MSRA: variants seen among roughly 807,000 people sequenced by gnomAD.
MSRA encodes the protein methionine sulfoxide reductase A, also known as mitochondrial peptide methionine sulfoxide reductase.
A neutral mutation model predicts 31.3 loss-of-function variants in MSRA; 54 were observed. The observed-to-expected ratio is 1.73, with a 90% confidence interval of 1.39 to 2.17. MSRA has a LOEUF of 2.17. MSRA is among the 30% of genes most tolerant of loss of function. The pLI is 0.00. For synonymous variants in MSRA, 169 were observed against 116.5 expected (o/e 1.45, Z -2.90); for missense variants, 507 against 300.9 (o/e 1.69, Z -5.07).
chr8:10,337,870 C>T (rs760285898), intron 5 of MSRA: 10 of 698,002 alleles, frequency 1.4e-5, no homozygotes, highest in Non-Finnish European at 2.4e-5. Flanking sequence ...TAAAGTGGTC[C>T]TCACAAATGC....
intron 1 of MSRA, among the ~76,000 whole-genome samples, chr8:10,152,869 C>G (rs376711908): frequency 1.2e-4 from 19 of 152,124 alleles, no homozygotes; most frequent in East Asian, 7.7e-4. Flanking sequence ...AGGGATGAAC[C>G]TTGAGGACAT....
At chr8:10,092,381 A>G (rs1005508996) in intron 1 of MSRA, among the ~76,000 whole-genome samples, 6 of 152,164 alleles carry the variant, frequency 3.9e-5, no homozygotes, top group African/African-American at 1.4e-4. Flanking sequence ...CATTCTGGCC[A>G]GGCACGGTGG....
intron 3 of MSRA, among the ~76,000 whole-genome samples, chr8:10,269,002 G>A (rs1317848626): frequency 5.3e-5 from 8 of 152,200 alleles, no homozygotes; most frequent in Non-Finnish European, 1.0e-4. Flanking sequence ...GGCATAGCCC[G>A]CAAACCCATT....
intron 2 of MSRA, among the ~76,000 whole-genome samples, chr8:10,212,184 C>CT (rs1199697087): frequency 6.7e-6 from 1 of 148,800 alleles, no homozygotes; most frequent in Non-Finnish European, 1.5e-5. Flanking sequence ...GAGACTCTGT[C>CT]TAAAAAAAAA....
At chr8:10,368,510 G>T (rs1157800042) in intron 5 of MSRA, among the ~76,000 whole-genome samples, 2 of 152,220 alleles carry the variant, frequency 1.3e-5, no homozygotes, top group African/African-American at 2.4e-5. Context: ...GGCAGCAGAG[G>T]GGCCGGGAGG....
At chr8:10,397,463 G>A (rs955050358) in intron 5 of MSRA, among the ~76,000 whole-genome samples, 73 of 152,302 alleles carry the variant, frequency 4.8e-4, no homozygotes, top group African/African-American at 1.7e-3. Context: ...AGCCCAGAAC[G>A]AGTAGAGCTC....
At chr8:10,370,265 G>C (rs1360754060) in intron 5 of MSRA, among the ~76,000 whole-genome samples, 3 of 152,316 alleles carry the variant, frequency 2.0e-5, no homozygotes, top group East Asian at 3.9e-4. Context: ...GCAAAGGAAG[G>C]ATGTGAACTT....
At chr8:10,198,731 C>T (rs1808214423) in intron 1 of MSRA, among the ~76,000 whole-genome samples, 1 of 152,312 alleles carries the variant, frequency 6.6e-6, no homozygotes, top group East Asian at 1.9e-4. Context: ...TCAAATGTTT[C>T]TCCTGGCTCA....
chr8:10,252,493 C>T lies in MSRA; in HGVS notation c.331+7270C>T, dbSNP rs561383914. Among the ~76,000 whole-genome samples, 56 of 152,256 alleles carry T rather than the reference C, an allele frequency of 3.7e-4. 1 individual carries two copies. The highest frequency in any genetic ancestry group is 1.1e-3 in the African/African-American group (47 of 41,546). On this transcript the variant is annotated intron_variant, in intron 3 of 5. Transcript: ENST00000317173. ...TGCTAGATGCTTTAAGTCCTGTCTG[C>T]GATGGCCAGTAGCAGAGCTAAGGGT...
chr8:10,293,483 C>G (rs1211318708), intron 3 of MSRA, among the ~76,000 whole-genome samples: 1 of 152,242 alleles, frequency 6.6e-6, no homozygotes, highest in Non-Finnish European at 1.5e-5. Flanking sequence ...ATGCTCTCCT[C>G]CAGACATCTG....
intron 3 of MSRA, among the ~76,000 whole-genome samples, chr8:10,266,909 A>G (rs1040028150): frequency 6.6e-6 from 1 of 152,198 alleles, no homozygotes; most frequent in African/African-American, 2.4e-5. Flanking sequence ...ACATCACTCA[A>G]TAAACCCCTA....
intron 3 of MSRA, among the ~76,000 whole-genome samples, chr8:10,291,767 G>A (rs1487551657): frequency 2.6e-5 from 4 of 152,066 alleles, no homozygotes; most frequent in Non-Finnish European, 2.9e-5. Context: ...AAAGGATGAG[G>A]GAGGTTGAAG....
Position 10,428,473 on chromosome 8 carries a change from G to A in MSRA, c.*161G>A, listed in dbSNP as rs1164845636. ...AAGTATAATCTATAGGAGGCGCGAT[G>A]GCAAGTTGATAAAATGTGACTTATC... On this transcript the variant is annotated 3_prime_UTR_variant, in exon 6 of 6. Transcript: ENST00000317173. 8 of 720,898 alleles carry A rather than the reference G, an allele frequency of 1.1e-5. No homozygotes were observed. The highest frequency in any genetic ancestry group is 1.8e-5 in the Non-Finnish European group (8 of 445,472). 44.7% of individuals were successfully genotyped at this position (720,898 alleles called of 1,614,324 possible).
chr8:10,100,475 AG>A lies in MSRA; in HGVS notation c.142+45819del, dbSNP rs201921092. Among the ~76,000 whole-genome samples the A allele has an allele frequency of 6.5e-4, 99 of 152,164 alleles. 1 individual carries two copies. The East Asian group carries it at 0.014, about 22-fold the overall frequency. On this transcript the variant is annotated intron_variant, in intron 1 of 5. Coordinates refer to ENST00000317173, the MANE Select transcript of MSRA (RefSeq NM_012331.5). ...ATAGCAGGTATTGGGAGAAGGTCAA[AG>A]GTCTGTGGCCAGGGAGGGCAGTGTT...
intron 1 of MSRA, among the ~76,000 whole-genome samples, chr8:10,141,671 G>C (rs1186932033): frequency 2.0e-5 from 3 of 151,724 alleles, no homozygotes; most frequent in African/African-American, 7.3e-5. Context: ...AAGATACACA[G>C]ATAAATGGGA....
At chr8:10,405,968 G>C (rs1807789814) in intron 5 of MSRA, among the ~76,000 whole-genome samples, 2 of 152,254 alleles carry the variant, frequency 1.3e-5, no homozygotes, top group Admixed American at 6.5e-5. Flanking sequence ...GATCACGAGG[G>C]GCAGAGGAGA....
intron 3 of MSRA, among the ~76,000 whole-genome samples, chr8:10,268,596 TA>T (rs1798867879): frequency 6.6e-6 from 1 of 152,244 alleles, no homozygotes; most frequent in East Asian, 1.9e-4. Flanking sequence ...AAGTTGCTGC[TA>T]ATTGACTAAC....
At chr8:10,112,609 G>C (rs951986979) in intron 1 of MSRA, among the ~76,000 whole-genome samples, 1 of 152,202 alleles carries the variant, frequency 6.6e-6, no homozygotes, top group Admixed American at 6.5e-5. Context: ...GATATTTCTT[G>C]AGCACCTACT....
intron 1 of MSRA, among the ~76,000 whole-genome samples, chr8:10,114,601 C>T (rs1257209877): frequency 6.6e-6 from 1 of 152,134 alleles, no homozygotes; most frequent in Admixed American, 6.5e-5. Context: ...GATTGATCCA[C>T]AGTTGGGATT....
Sources: allele counts gnomAD v4.1 joint callset (sites outside exome capture counted in the v4.1 genomes callset), GRCh38; gene constraint gnomAD v4.1.1; transcripts MANE v1.5; gene names NCBI Gene and HGNC (gene_info 2026-07-23, HGNC 2026-07-21).